Variants in ATP2A1 observed in about 807,000 individuals in gnomAD.
The protein encoded by ATP2A1 is ATPase sarcoplasmic/endoplasmic reticulum Ca2+ transporting 1, also known as sarcoplasmic/endoplasmic reticulum calcium ATPase 1.
A neutral mutation model predicts 109.5 loss-of-function variants in ATP2A1; 83 were observed. The observed-to-expected ratio is 0.76, with a 90% CI of 0.63 to 0.91. The LOEUF (loss-of-function observed/expected upper bound fraction) is 0.91. ATP2A1 is among the 40% of genes least tolerant of loss of function. ATP2A1 has a pLI of 0.00. For synonymous variants in ATP2A1, 505 were observed against 537.6 expected, an observed-to-expected ratio of 0.94 and a Z score of 0.84; for missense variants, 1,101 against 1,341.0, an observed-to-expected ratio of 0.82 and a Z score of 2.80.
At chr16:28,878,829 TC>T in intron 1 of ATP2A1, 40 bp downstream of exon 1, 1 of 1,592,154 alleles carries the variant, frequency 6.3e-7, no homozygotes, top group Admixed American at 1.7e-5. Flanking sequence ...ATTAATGCCC[TC>T]CTGCACCCCC....
rs547965562 is a variant in ATP2A1, at chr16:28,886,833, A to G, written c.545-356A>G. ...GAGACCCCGTCTCTACTAAAAATAC[A>G]AAAAAAAAAAAAAAATTAGCCAGGT... On this transcript the variant is annotated intron_variant, in intron 6 of 22. Transcript: ENST00000395503. Among the ~76,000 whole-genome samples, 4 of 137,758 alleles carry G rather than the reference A, an allele frequency of 2.9e-5. No homozygotes were observed. In the South Asian group the frequency reaches 9.3e-4, roughly 32 times the overall value. 90.4% of individuals were successfully genotyped at this position (137,758 alleles called of 152,430 possible).
chr16:28,882,702 C>T, intron 5 of ATP2A1, 113 bp downstream of exon 5: 2 of 1,489,000 alleles, frequency 1.3e-6, no homozygotes, highest in Non-Finnish European at 1.8e-6. Context: ...ACGGAGTCTG[C>T]TTCTCTTTCC....
intron 5 of ATP2A1, 52 bp from the exon 6 acceptor site, chr16:28,884,523 G>A (rs372480954): frequency 6.5e-7 from 1 of 1,533,452 alleles, no homozygotes; most frequent in African/African-American, 1.4e-5. Flanking sequence ...TTCTTTGGAA[G>A]GAAGAAAATT....
chr16:28,888,095 C>T (rs1963669808), intron 8 of ATP2A1, among the ~76,000 whole-genome samples: 1 of 151,760 alleles, frequency 6.6e-6, no homozygotes, highest in Non-Finnish European at 1.5e-5. Context: ...GCCACCGCAC[C>T]CGGCCTTGCT....
Position 28,902,096 on chromosome 16 carries a change from G to A in ATP2A1, c.2321+13G>A, listed in dbSNP as rs1308600546. 2.5e-6 allele frequency: 4 copies of A among 1,614,228 alleles called. No homozygotes were observed. The highest frequency in any genetic ancestry group is 2.7e-5 in the African/African-American group (2 of 75,076). ...GCGAGGTGGTCTGGTGAGCAGCTGG[G>A]TGGGCGTCCAGGAGGAAGCCGGGGT... On this transcript the variant is annotated intron_variant, in intron 16 of 22. Transcript: ENST00000395503. The surrounding 1 kb of genome is among the most constrained non-coding windows in gnomAD (Gnocchi z 4.8).
chr16:28,894,741 C>T (rs1382428590), intron 11 of ATP2A1, 81 bp from the exon 12 acceptor site: 27 of 1,606,366 alleles, frequency 1.7e-5, no homozygotes, highest in Non-Finnish European at 2.2e-5. Flanking sequence ...GGTTTGCTTC[C>T]TTCTTACGCT....
chr16:28,898,046 G>C lies in ATP2A1; in HGVS notation c.1466G>C (p.Arg489Pro). Residue 489 changes from arginine to proline, a missense_variant, in exon 13 of 23, where the codon CGA becomes CCA. By Grantham distance (103) the Arg-to-Pro change is moderately radical (BLOSUM62 -2). Transcript: ENST00000395503. This position sits in a 1 kb window ranked among gnomAD's most constrained non-coding sequence, Gnocchi z 4.0. ...AAGGAATTCACCCTGGAGTTCTCCCGAGACAGAAAGTCCATGTCTGTCTAT... is the reference window on the plus strand; with the variant it reads ...AAGGAATTCACCCTGGAGTTCTCCCCAGACAGAAAGTCCATGTCTGTCTAT... Reference protein sequence around the residue: ...MKKEFTLEFSRDRKSMSVYCS... With the variant: ...MKKEFTLEFSPDRKSMSVYCS... The C allele has an allele frequency of 6.2e-7, 1 of 1,614,108 alleles. No homozygotes were observed. The highest frequency in any genetic ancestry group is 2.2e-5 in the East Asian group (1 of 44,890).
chr16:28,897,658 C>G (rs1963954877), intron 12 of ATP2A1, among the ~76,000 whole-genome samples: 1 of 152,026 alleles, frequency 6.6e-6, no homozygotes, highest in Non-Finnish European at 1.5e-5. Context: ...TTAGTAGAGA[C>G]AGGGTTTCAC....
chr16:28,896,808 C>T lies in ATP2A1; in HGVS notation c.1420-1192C>T, dbSNP rs191221679. Among the ~76,000 whole-genome samples, 528 of 151,362 alleles carry T rather than the reference C, an allele frequency of 3.5e-3. 3 individuals are homozygous for T. Among genetic ancestry groups the T allele is most frequent in the Non-Finnish European group, 5.5e-3 (371 of 67,856 alleles). On this transcript the variant is annotated intron_variant, in intron 12 of 22. Transcript: ENST00000395503. ...TCCTGGGTTCAAGTGATTGTCCTGCCTCAGCCTCCCGAGTAGCTAGAATTA... is the reference window on the plus strand; with the variant it reads ...TCCTGGGTTCAAGTGATTGTCCTGCTTCAGCCTCCCGAGTAGCTAGAATTA...
chr16:28,900,138 T>TA (rs775651747), intron 14 of ATP2A1, among the ~76,000 whole-genome samples: 30 of 150,080 alleles, frequency 2.0e-4, no homozygotes, highest in Non-Finnish European at 3.9e-4. Context: ...CTACTAAAAA[T>TA]TAAAAAAAAA....
At position 28,897,985 on chromosome 16, in the gene ATP2A1, C is replaced by T; in HGVS notation, c.1420-15C>T. 1 of 1,614,120 alleles carries T rather than the reference C, an allele frequency of 6.2e-7. No individual in the cohort carries two copies. Among genetic ancestry groups the T allele is most frequent in the Non-Finnish European group, 8.5e-7 (1 of 1,180,016 alleles). On this transcript the variant is annotated splice_polypyrimidine_tract_variant and intron_variant, in intron 12 of 22. Coordinates refer to ENST00000395503, the MANE Select transcript of ATP2A1 (RefSeq NM_004320.6). ...TTTTAAGAGGACTGGTCTCCCCTCC[C>T]TGTCTCCTCTCCAGGTGATCCGCCA...
chr16:28,902,092 C>T lies in ATP2A1; in HGVS notation c.2321+9C>T, dbSNP rs777704616. ...GTGGGCGAGGTGGTCTGGTGAGCAG[C>T]TGGGTGGGCGTCCAGGAGGAAGCCG... On this transcript the variant is annotated intron_variant, in intron 16 of 22. Coordinates refer to ENST00000395503, the MANE Select transcript of ATP2A1 (RefSeq NM_004320.6). The surrounding 1 kb of genome is among the most constrained non-coding windows in gnomAD (Gnocchi z 4.8). 6 of 1,614,202 alleles carry T rather than the reference C, an allele frequency of 3.7e-6. No individual in the cohort carries two copies. The highest frequency in any genetic ancestry group is 5.1e-6 in the Non-Finnish European group (6 of 1,180,016).
chr16:28,879,430 C>T lies in ATP2A1; in HGVS notation c.137-71C>T. ...AGCCTCCCCACTGCAGGCCGGAGTC[C>T]AGGGCGCTCCATCCCAGACCTTCAC... is the stretch of plus-strand genomic sequence containing the variant. On this transcript the variant is annotated intron_variant, in intron 2 of 22. Coordinates refer to ENST00000395503, the MANE Select transcript of ATP2A1 (RefSeq NM_004320.6). 2.8e-6 allele frequency: 4 copies of T among 1,438,328 alleles called. No homozygotes were observed. In the South Asian group the frequency reaches 3.4e-5, roughly 12 times the overall value. The allele number at this position is 1,438,328 out of a possible 1,614,324, so 89.1% of individuals were successfully genotyped here. A position where few individuals can be genotyped will look rare whatever the true frequency, so the allele number is the denominator to read the frequency against.
At chr16:28,888,148 T>C (rs1199433491) in intron 8 of ATP2A1, among the ~76,000 whole-genome samples, 1 of 152,032 alleles carries the variant, frequency 6.6e-6, no homozygotes, top group East Asian at 1.9e-4. Context: ...TTCTTCTGCC[T>C]CTGCCTCCCA....
chr16:28,894,796 T>TC, intron 11 of ATP2A1, 26 bp from the exon 12 acceptor site: 1 of 1,610,062 alleles, frequency 6.2e-7, no homozygotes, highest in South Asian at 1.1e-5. Flanking sequence ...GGCACCGACT[T>TC]CCTCTTCCTC....
At chr16:28,882,307 G>A in intron 4 of ATP2A1, 144 bp from the exon 5 acceptor site, 2 of 1,277,458 alleles carry the variant, frequency 1.6e-6, no homozygotes, top group Non-Finnish European at 1.1e-6. Context: ...CCTCTCACCT[G>A]TTTTCACCTG....
At position 28,902,584 on chromosome 16, in the gene ATP2A1, T is replaced by C. The variant is rs1357960444; in HGVS notation, c.2529T>C (p.Tyr843=). The C allele has an allele frequency of 1.2e-6, 2 of 1,613,876 alleles. No homozygotes were observed. The highest frequency in any genetic ancestry group is 1.3e-5 in the African/African-American group (1 of 74,894). Residue 843 remains tyrosine (Y), a synonymous_variant, in exon 18 of 23, where the codon TAT becomes TAC. Transcript: ENST00000395503. The surrounding 1 kb of genome is among the most constrained non-coding windows in gnomAD (Gnocchi z 4.8). ...ACTCCCCTCTCTCCACCACAGGCTA[T>C]GTGGGTGCAGCCACCGTGGGAGCAG... ...LFFRYMAIGG[Y]VGAATVGAAA... is the part of the protein sequence containing the mutation.
At position 28,880,905 on chromosome 16, in the gene ATP2A1, T is replaced by G; in HGVS notation, c.220-10T>G. On this transcript the variant is annotated splice_polypyrimidine_tract_variant and intron_variant, in intron 3 of 22. Coordinates refer to ENST00000395503, the MANE Select transcript of ATP2A1 (RefSeq NM_004320.6). The surrounding 1 kb of genome is among the most constrained non-coding windows in gnomAD (Gnocchi z 4.2). Reference sequence around the variant, plus strand: ...CATTACCTGTCATTCTCCTTTCCCCTGCTCCCCAGGTGCTGGCCTGGTTTG... The same window carrying G: ...CATTACCTGTCATTCTCCTTTCCCCGGCTCCCCAGGTGCTGGCCTGGTTTG... 2 of 1,612,618 alleles carry G rather than the reference T, an allele frequency of 1.2e-6. No individual in the cohort carries two copies. Among genetic ancestry groups the G allele is most frequent in the Non-Finnish European group, 1.7e-6 (2 of 1,178,588 alleles).
intron 12 of ATP2A1, among the ~76,000 whole-genome samples, chr16:28,897,382 C>T (rs1198376705): frequency 6.6e-6 from 1 of 151,832 alleles, no homozygotes; most frequent in Non-Finnish European, 1.5e-5. Flanking sequence ...GTGGTCCCAG[C>T]TACTCAGCTG....
Sources: allele counts gnomAD v4.1 joint callset (sites outside exome capture counted in the v4.1 genomes callset), GRCh38; gene constraint gnomAD v4.1.1; non-coding constraint Gnocchi (gnomAD v3.1); transcripts MANE v1.5; gene names NCBI Gene and HGNC (gene_info 2026-07-23, HGNC 2026-07-21).